The following SRGAP2 variants were observed in gnomAD, a reference collection of about 807,000 sequenced individuals.
The protein encoded by SRGAP2 is SLIT-ROBO Rho GTPase-activating protein 2.
In SRGAP2, 15 loss-of-function variants were observed where a neutral mutation model predicts 57.2. That is an observed-to-expected ratio of 0.26 (90% CI 0.18 to 0.40). SRGAP2 has a LOEUF of 0.40. Ranked by LOEUF, SRGAP2 falls within the 10% of genes least tolerant of loss-of-function variation. The pLI, the probability that SRGAP2 is intolerant of heterozygous loss-of-function variation, is 1.00. For synonymous variants in SRGAP2, 249 were observed against 248.0 expected (o/e 1.00, Z -0.04); for missense variants, 520 against 669.6 (o/e 0.78, Z 2.47).
chr1:206,455,347 A>C, intron 21 of SRGAP2: 1 of 359,136 alleles, frequency 2.8e-6, no homozygotes, highest in South Asian at 2.8e-5. Context: ...TGGTCACTTT[A>C]TGCAACCTGG....
chr1:206,303,887 C>G (rs1672022751), intron 3 of SRGAP2, among the ~76,000 whole-genome samples: 1 of 128,822 alleles, frequency 7.8e-6, no homozygotes, highest in African/African-American at 3.7e-5. Flanking sequence ...CTCTCTCTCT[C>G]TCACACACAC....
intron 17 of SRGAP2, among the ~76,000 whole-genome samples, chr1:206,440,692 G>A (rs1319634841): frequency 6.6e-6 from 1 of 151,942 alleles, no homozygotes; most frequent in Non-Finnish European, 1.5e-5. Context: ...GGACCCAGGC[G>A]CATGCCACCA....
In SRGAP2 at chr1:206,279,581, ATTT is replaced by A. The variant is rs1165950488; in HGVS notation, c.68-23684_68-23682del. On this transcript the variant is annotated intron_variant, in intron 2 of 22. Coordinates refer to ENST00000573034, the MANE Select transcript of SRGAP2 (RefSeq NM_015326.5). ...CAGACATGCACCACCACACCTGGCTATTTTTTTTTTTTTTTTTTGTAGAGACAA... is the reference window on the plus strand; with the variant it reads ...CAGACATGCACCACCACACCTGGCTATTTTTTTTTTTTTTTGTAGAGACAA... Among the ~76,000 whole-genome samples the A allele has an allele frequency of 5.9e-3, 513 of 86,588 alleles. 18 individuals are homozygous for A. The highest frequency in any genetic ancestry group is 0.019 in the African/African-American group (291 of 15,394). The allele number at this position is 86,588 out of a possible 152,430, so 56.8% of individuals were successfully genotyped here. A position where few individuals can be genotyped will look rare whatever the true frequency, so the allele number is the denominator to read the frequency against.
At chr1:206,286,369 A>T (rs1334642866) in intron 2 of SRGAP2, among the ~76,000 whole-genome samples, 28 of 152,164 alleles carry the variant, frequency 1.8e-4, no homozygotes, top group Non-Finnish European at 3.7e-4. Flanking sequence ...TTTTTTAAAA[A>T]GTAAATACTC....
At chr1:206,238,730 A>G (rs1403713065) in intron 2 of SRGAP2, among the ~76,000 whole-genome samples, 5 of 151,976 alleles carry the variant, frequency 3.3e-5, no homozygotes, top group Admixed American at 2.0e-4. Flanking sequence ...GTGGCTGGGC[A>G]TTGGGCAGAG....
At chr1:206,314,288 C>T (rs61816780) in intron 3 of SRGAP2, among the ~76,000 whole-genome samples, 8 of 151,736 alleles carry the variant, frequency 5.3e-5, no homozygotes, top group Non-Finnish European at 8.8e-5. Flanking sequence ...GCATGCGCCA[C>T]GACGCCAGGC....
At chr1:206,267,170 G>C (rs1223089774) in intron 2 of SRGAP2, among the ~76,000 whole-genome samples, 2 of 151,806 alleles carry the variant, frequency 1.3e-5, no homozygotes, top group Non-Finnish European at 2.9e-5. Context: ...GGGTTTCACT[G>C]TGTTAGCCAG....
At position 206,455,619 on chromosome 1, in the gene SRGAP2, T is replaced by G. The variant is rs946620337; in HGVS notation, c.2507+595T>G. The G allele has an allele frequency of 2.6e-5, 4 of 154,576 alleles. No homozygotes were observed. In the East Asian group the frequency reaches 7.7e-4, roughly 30 times the overall value. The allele number at this position is 154,576 out of a possible 1,614,324, so 9.6% of individuals were successfully genotyped here. On this transcript the variant is annotated intron_variant, in intron 21 of 22. Coordinates refer to ENST00000573034, the MANE Select transcript of SRGAP2 (RefSeq NM_015326.5). ...TGTCCTGAGCTCTTCATTCATTGGC[T>G]AACCCCTAGCTCCCTTTTCTTCTGC...
chr1:206,311,764 C>T (rs1277780929), intron 3 of SRGAP2, among the ~76,000 whole-genome samples: 3 of 149,546 alleles, frequency 2.0e-5, no homozygotes, highest in Admixed American at 6.7e-5. Context: ...GCTGTGCTTT[C>T]GAAGGGTAAC....
At chr1:206,421,962 C>T (rs1376080392) in intron 13 of SRGAP2, among the ~76,000 whole-genome samples, 1 of 152,160 alleles carries the variant, frequency 6.6e-6, no homozygotes, top group African/African-American at 2.4e-5. Context: ...GTATTTTTTG[C>T]AGTAGCAAAA....
intron 4 of SRGAP2, among the ~76,000 whole-genome samples, chr1:206,346,556 G>A (rs1463978776): frequency 6.6e-6 from 1 of 152,200 alleles, no homozygotes; most frequent in Non-Finnish European, 1.5e-5. Context: ...CAGCAATGAA[G>A]AAATACCAAA....
intron 14 of SRGAP2, among the ~76,000 whole-genome samples, chr1:206,434,786 T>C (rs1553369418): frequency 6.6e-6 from 1 of 152,218 alleles, no homozygotes; most frequent in Non-Finnish European, 1.5e-5. Context: ...CATTTCTTCT[T>C]GTCCTGGACC....
chr1:206,225,389 A>G (rs1553305349), intron 2 of SRGAP2, among the ~76,000 whole-genome samples: 3 of 151,032 alleles, frequency 2.0e-5, no homozygotes, highest in Non-Finnish European at 4.4e-5. Flanking sequence ...CTAGGGGTGA[A>G]GTAAGACTCA....
intron 2 of SRGAP2, among the ~76,000 whole-genome samples, chr1:206,226,531 C>A (rs1174081311): frequency 6.6e-6 from 1 of 152,208 alleles, no homozygotes; most frequent in Non-Finnish European, 1.5e-5. Flanking sequence ...AGTCTCTAAC[C>A]TCTCCTGGCC....
intron 4 of SRGAP2, among the ~76,000 whole-genome samples, chr1:206,365,292 A>G (rs1553341399): frequency 6.7e-6 from 1 of 149,622 alleles, no homozygotes; most frequent in African/African-American, 2.5e-5. Context: ...TTGCTCCAAA[A>G]TCTATAGAGG....
intron 13 of SRGAP2, 141 bp from the exon 14 acceptor site, chr1:206,430,021 C>A (rs1280974649): frequency 4.6e-6 from 3 of 656,718 alleles, no homozygotes; most frequent in Non-Finnish European, 5.6e-6. Context: ...TGCTCTGGAA[C>A]TTGGAGGACA....
intron 3 of SRGAP2, among the ~76,000 whole-genome samples, chr1:206,327,530 T>A (rs1674027851): frequency 7.6e-6 from 1 of 131,940 alleles, no homozygotes; most frequent in Non-Finnish European, 1.6e-5. Flanking sequence ...ATGTTGATAC[T>A]GATATATAGT....
chr1:206,381,230 C>G (rs1354291249), intron 4 of SRGAP2, among the ~76,000 whole-genome samples: 1 of 152,150 alleles, frequency 6.6e-6, no homozygotes, highest in African/African-American at 2.4e-5. Flanking sequence ...CCATCCCCCA[C>G]TCTGGGGCTA....
intron 14 of SRGAP2, 49 bp downstream of exon 14, chr1:206,430,271 A>G (rs1661179362): frequency 5.1e-6 from 4 of 779,528 alleles, no homozygotes; most frequent in Non-Finnish European, 7.2e-6. Context: ...ATTGGGAAGA[A>G]CTTCCAGGAA....
Sources: gnomAD v4.1 joint callset for allele counts (sites outside exome capture counted in the v4.1 genomes callset) on GRCh38, gnomAD v4.1.1 for gene constraint, MANE v1.5 for transcripts, NCBI Gene and HGNC (gene_info 2026-07-23, HGNC 2026-07-21) for gene names.